The following GLRA3 variants were observed in gnomAD, a reference collection of about 807,000 sequenced individuals.
GLRA3 encodes glycine receptor alpha 3, also known as glycine receptor subunit alpha-3.
GLRA3 carries 44 observed loss-of-function variants against 60.4 expected under a neutral mutation model. The ratio of observed to expected loss-of-function variants is 0.73; its 90% CI spans 0.57 to 0.94. GLRA3 has a LOEUF of 0.94. Among genes scored for constraint, GLRA3 ranks in the 40% least tolerant of loss-of-function variants. GLRA3 has a pLI of 0.00. For synonymous variants in GLRA3, 223 were observed against 192.9 expected, an observed-to-expected ratio of 1.16 and a Z score of -1.29; for missense variants, 508 against 564.6, an observed-to-expected ratio of 0.90 and a Z score of 1.02.
At chr4:174,730,827 T>C (rs1222820346) in intron 3 of GLRA3, among the ~76,000 whole-genome samples, 4 of 152,200 alleles carry the variant, frequency 2.6e-5, no homozygotes, top group Non-Finnish European at 5.9e-5. Flanking sequence ...TATCTCTTAA[T>C]ACATTTAGTT....
Position 174,643,915 on chromosome 4 carries a change from G to T in GLRA3, c.1266C>A (p.Ile422=). ...TGGTATCAATCTTCTTGGCCCGGTC[G>T]ATAAAGACCTTCCTCATTTCATCAG... is the stretch of plus-strand genomic sequence containing the variant. ...KSPDEMRKVF[I]DRAKKIDTIS... is the part of the protein sequence containing the mutation. The change falls in exon 10 of 10, where the codon ATC becomes ATA. Residue 422 remains isoleucine, a synonymous_variant. Coordinates refer to ENST00000274093, the MANE Select transcript of GLRA3 (RefSeq NM_006529.4). The T allele has an allele frequency of 1.2e-6, 2 of 1,614,030 alleles. No individual in the cohort carries two copies. Among genetic ancestry groups the T allele is most frequent in the Non-Finnish European group, 1.7e-6 (2 of 1,179,966 alleles).
At chr4:174,795,375 A>T (rs1194292511) in intron 1 of GLRA3, among the ~76,000 whole-genome samples, 1 of 152,038 alleles carries the variant, frequency 6.6e-6, no homozygotes, top group African/African-American at 2.4e-5. Flanking sequence ...TTAAAAATAT[A>T]TTTTACCATA....
intron 2 of GLRA3, among the ~76,000 whole-genome samples, chr4:174,771,265 T>C (rs1205195419): frequency 6.6e-6 from 1 of 151,904 alleles, no homozygotes. Flanking sequence ...TAAATGAAAT[T>C]TCCGTCCTAA....
At chr4:174,797,777 C>A (rs577179354) in intron 1 of GLRA3, among the ~76,000 whole-genome samples, 71 of 151,364 alleles carry the variant, frequency 4.7e-4, no homozygotes, top group African/African-American at 1.2e-3. Context: ...ACAAAAAAAT[C>A]AAAAATTAGC....
chr4:174,821,847 T>C (rs893711119), intron 1 of GLRA3, among the ~76,000 whole-genome samples: 2 of 152,180 alleles, frequency 1.3e-5, no homozygotes, highest in Non-Finnish European at 2.9e-5. Context: ...TTTGATCCTA[T>C]AAACTTTATG....
chr4:174,753,410 CTAAT>C (rs1334754115), intron 3 of GLRA3, among the ~76,000 whole-genome samples: 2 of 152,168 alleles, frequency 1.3e-5, no homozygotes, highest in Admixed American at 1.3e-4. Context: ...GAACTTAACA[CTAAT>C]TGACATGCTA....
chr4:174,649,764 C>T (rs1732960180), intron 9 of GLRA3, among the ~76,000 whole-genome samples: 2 of 151,994 alleles, frequency 1.3e-5, no homozygotes. Context: ...AAACTCTATC[C>T]AAGAGTTCAG....
At chr4:174,703,101 A>G (rs1735387148) in intron 5 of GLRA3, among the ~76,000 whole-genome samples, 1 of 152,224 alleles carries the variant, frequency 6.6e-6, no homozygotes, top group South Asian at 2.1e-4. Flanking sequence ...ACTGGGGACT[A>G]TAAGTGGGCT....
intron 1 of GLRA3, among the ~76,000 whole-genome samples, chr4:174,809,554 G>A (rs1232117780): frequency 2.0e-5 from 3 of 152,036 alleles, no homozygotes; most frequent in Non-Finnish European, 2.9e-5. Context: ...ACAACATGGC[G>A]AAACCCCATC....
At chr4:174,737,037 A>T (rs1736820643) in intron 3 of GLRA3, among the ~76,000 whole-genome samples, 1 of 152,216 alleles carries the variant, frequency 6.6e-6, no homozygotes, top group Non-Finnish European at 1.5e-5. Flanking sequence ...TTTTCATGAT[A>T]GCGACATCTG....
chr4:174,774,122 A>G (rs6832656), intron 2 of GLRA3, among the ~76,000 whole-genome samples: 111,460 of 152,004 alleles, frequency 0.73, 41,168 homozygotes, highest in East Asian at 0.99. Flanking sequence ...CCACCAGGCC[A>G]AGGAAGGTAC....
chr4:174,825,046 G>A (rs974021657), intron 1 of GLRA3, among the ~76,000 whole-genome samples: 7 of 152,050 alleles, frequency 4.6e-5, no homozygotes, highest in Admixed American at 1.3e-4. Context: ...TTTTCAAGAT[G>A]TTCTTTCAAT....
chr4:174,661,224 T>C (rs1200887577), intron 7 of GLRA3, among the ~76,000 whole-genome samples: 1 of 152,150 alleles, frequency 6.6e-6, no homozygotes, highest in East Asian at 1.9e-4. Context: ...TAAATTTCTG[T>C]ATCATCTCTA....
At chr4:174,742,093 G>A (rs6826425) in intron 3 of GLRA3, among the ~76,000 whole-genome samples, 30,139 of 151,992 alleles carry the variant, frequency 0.2, 4,403 homozygotes, top group African/African-American at 0.41. Context: ...ATATATCACA[G>A]CAATTTTGTT....
chr4:174,781,536 T>G (rs1171466437), intron 2 of GLRA3, among the ~76,000 whole-genome samples: 8 of 141,846 alleles, frequency 5.6e-5, no homozygotes, highest in Non-Finnish European at 9.2e-5. Flanking sequence ...GCTGGTTTTT[T>G]GAAAGGATCA....
chr4:174,672,646 C>T lies in GLRA3; in HGVS notation c.927+4432G>A, dbSNP rs530897834. On this transcript the variant is annotated intron_variant, in intron 7 of 9. Coordinates refer to ENST00000274093, the MANE Select transcript of GLRA3 (RefSeq NM_006529.4). Reference sequence around the variant, plus strand: ...CTGAAACCCACTCCACAGCCTAGATCCAAGCCCACTCGAACAGCCAATCTC... The same window carrying T: ...CTGAAACCCACTCCACAGCCTAGATTCAAGCCCACTCGAACAGCCAATCTC... Among the ~76,000 whole-genome samples the T allele has an allele frequency of 4.6e-5, 7 of 152,204 alleles. No homozygotes were observed. In the South Asian group the frequency reaches 1.5e-3, roughly 32 times the overall value.
At chr4:174,657,251 C>T (rs1280438916) in intron 8 of GLRA3, among the ~76,000 whole-genome samples, 1 of 152,110 alleles carries the variant, frequency 6.6e-6, no homozygotes, top group Admixed American at 6.6e-5. Flanking sequence ...AGCATCTAAA[C>T]TTGTTGTCTA....
At chr4:174,796,251 C>A (rs914924232) in intron 1 of GLRA3, among the ~76,000 whole-genome samples, 1 of 152,130 alleles carries the variant, frequency 6.6e-6, no homozygotes, top group Non-Finnish European at 1.5e-5. Flanking sequence ...AGGCCCAAAA[C>A]CAGACAATTT....
Position 174,739,621 on chromosome 4 carries a change from G to A in GLRA3, c.268-10923C>T, listed in dbSNP as rs1056577243. On this transcript the variant is annotated intron_variant, in intron 3 of 9. Coordinates refer to ENST00000274093, the MANE Select transcript of GLRA3 (RefSeq NM_006529.4). ...AGAATCATAGGAAGCCCACAAAAAT[G>A]TTAAGAGAATTAGACTAGTAGAAGC... Among the ~76,000 whole-genome samples the A allele has an allele frequency of 3.3e-5, 5 of 152,188 alleles. No homozygotes were observed. The South Asian group carries it at 1.0e-3, about 31-fold the overall frequency.
Sources: allele counts gnomAD v4.1 joint callset (sites outside exome capture counted in the v4.1 genomes callset), GRCh38; gene constraint gnomAD v4.1.1; transcripts MANE v1.5; gene names NCBI Gene and HGNC (gene_info 2026-07-23, HGNC 2026-07-21).